Variants in POR observed in about 807,000 individuals in gnomAD.
POR encodes cytochrome p450 oxidoreductase, also known as NADPH--cytochrome P450 reductase.
POR carries 56 observed loss-of-function variants against 84.0 expected under a neutral mutation model. The ratio of observed to expected loss-of-function variants is 0.67; its 90% CI spans 0.54 to 0.83. The LOEUF (loss-of-function observed/expected upper bound fraction) is 0.83, where lower values mean the gene tolerates loss of function less well. Among genes scored for constraint, POR ranks in the 40% least tolerant of loss-of-function variants. The pLI is 0.00. For synonymous variants in POR, 414 were observed against 400.5 expected, an observed-to-expected ratio of 1.03 and a Z score of -0.40; for missense variants, 938 against 944.3, an observed-to-expected ratio of 0.99 and a Z score of 0.09.
At chr7:75,934,529 C>T (rs1458879804) in intron 1 of POR, among the ~76,000 whole-genome samples, 4 of 152,054 alleles carry the variant, frequency 2.6e-5, no homozygotes, top group Non-Finnish European at 4.4e-5. Context: ...CTTGCTAGAG[C>T]GATTTGTAGA....
chr7:75,955,722 C>T (rs1554553675), intron 2 of POR, among the ~76,000 whole-genome samples: 1 of 152,186 alleles, frequency 6.6e-6, no homozygotes, highest in African/African-American at 2.4e-5. Flanking sequence ...GCTTGCACCC[C>T]AGGGCCACCC....
chr7:75,927,102 C>A (rs1396549243), intron 1 of POR, among the ~76,000 whole-genome samples: 3 of 152,194 alleles, frequency 2.0e-5, no homozygotes, highest in African/African-American at 7.2e-5. Context: ...GGGTTTGAAT[C>A]CTGGTTCCAC....
intron 1 of POR, among the ~76,000 whole-genome samples, chr7:75,937,471 CAAAAAAA>C (rs782343328): frequency 2.5e-4 from 5 of 20,122 alleles, no homozygotes; most frequent in South Asian, 2.0e-3. Flanking sequence ...GACCCTGTCT[CAAAAAAA>C]AAAAAAAAAA....
intron 1 of POR, among the ~76,000 whole-genome samples, chr7:75,919,211 C>T (rs1055404146): frequency 6.6e-6 from 1 of 152,102 alleles, no homozygotes; most frequent in Non-Finnish European, 1.5e-5. Context: ...GCCTAATATC[C>T]TCTCTGGGTG....
chr7:75,934,306 C>T (rs538946452), intron 1 of POR, among the ~76,000 whole-genome samples: 17 of 151,850 alleles, frequency 1.1e-4, no homozygotes, highest in Non-Finnish European at 2.1e-4. Context: ...AGCTTCCACC[C>T]GAGGCAACAG....
At chr7:75,982,981 TCA>T (rs1789148498) in intron 8 of POR, among the ~76,000 whole-genome samples, 2 of 152,166 alleles carry the variant, frequency 1.3e-5, no homozygotes, top group South Asian at 4.1e-4. Context: ...GGGGCCAGCC[TCA>T]GTTTCCACAT....
At chr7:75,943,755 T>A (rs1554551823) in intron 1 of POR, 1 of 440,950 alleles carries the variant, frequency 2.3e-6, no homozygotes, top group Non-Finnish European at 4.5e-6. Context: ...ATTGGTAACG[T>A]CTTTAGATTC....
At chr7:75,920,626 G>A (rs1226903492) in intron 1 of POR, among the ~76,000 whole-genome samples, 3 of 152,062 alleles carry the variant, frequency 2.0e-5, no homozygotes, top group Non-Finnish European at 2.9e-5. Context: ...TCACCTCTGC[G>A]GTGGTGATGC....
rs1554557765 is a variant in POR, at chr7:75,981,147, C to T, written c.616C>T (p.Leu206=). Residue 206 remains leucine (L), a synonymous_variant, in exon 6 of 16, where the codon CTG becomes TTG. Transcript: ENST00000461988. Reference sequence around the variant, plus strand: ...GCTCGGCGCCCAGCGCATCTTTGAGCTGGGGTTGGGCGACGACGATGGGAA... The same window carrying T: ...GCTCGGCGCCCAGCGCATCTTTGAGTTGGGGTTGGGCGACGACGATGGGAA... 2.6e-6 allele frequency: 4 copies of T among 1,552,592 alleles called. No individual in the cohort carries two copies. The highest frequency in any genetic ancestry group is 1.9e-5 in the Admixed American group (1 of 51,366).
intron 3 of POR, among the ~76,000 whole-genome samples, chr7:75,979,236 G>A (rs1178234053): frequency 2.6e-5 from 4 of 152,192 alleles, no homozygotes; most frequent in African/African-American, 4.8e-5. Flanking sequence ...GAGCAGCCGC[G>A]TGTGTGAGAT....
intron 1 of POR, among the ~76,000 whole-genome samples, chr7:75,939,354 G>A (rs1471267174): frequency 3.9e-5 from 6 of 152,184 alleles, no homozygotes; most frequent in African/African-American, 9.7e-5. Context: ...CGGAGCCCTC[G>A]TGCGGGTTCC....
intron 1 of POR, among the ~76,000 whole-genome samples, chr7:75,928,169 C>T (rs1424935434): frequency 1.3e-5 from 2 of 152,074 alleles, no homozygotes; most frequent in Non-Finnish European, 2.9e-5. Flanking sequence ...TAGGGTTTCA[C>T]TATGTTGGCC....
In POR at chr7:75,981,060, G is replaced by T. The variant is rs782172563; in HGVS notation, c.529G>T (p.Gly177Trp). 6.3e-7 allele frequency: 1 copy of T among 1,575,120 alleles called. No homozygotes were observed. The highest frequency in any genetic ancestry group is 8.6e-7 in the Non-Finnish European group (1 of 1,160,096). ...TGTGTCCACGCAGGTGTTTGGTCTT[G>T]GGAACAAGACCTACGAGCACTTCAA... is the stretch of plus-strand genomic sequence containing the variant. Residue 177 changes from glycine to tryptophan, a missense_variant, in exon 6 of 16, where the codon GGG becomes TGG. Coordinates refer to ENST00000461988, the MANE Select transcript of POR (RefSeq NM_000941.3).
chr7:75,985,472 TG>T (rs1346129887), intron 12 of POR, 106 bp from the exon 13 acceptor site: 66 of 1,353,956 alleles, frequency 4.9e-5, no homozygotes, highest in Non-Finnish European at 6.4e-5. Context: ...CCAGGTGGGC[TG>T]GAAGAGGCCC....
At chr7:75,958,533 A>C (rs544024567) in intron 2 of POR, among the ~76,000 whole-genome samples, 1 of 152,360 alleles carries the variant, frequency 6.6e-6, no homozygotes, top group South Asian at 2.1e-4. Context: ...CAGGGATTGC[A>C]GAGTTTGCCC....
At chr7:75,935,841 C>T (rs981030241) in intron 1 of POR, among the ~76,000 whole-genome samples, 13 of 151,850 alleles carry the variant, frequency 8.6e-5, no homozygotes, top group Non-Finnish European at 1.6e-4. Flanking sequence ...GACCCAGCCT[C>T]GTGTGACACA....
intron 4 of POR, 52 bp from the exon 5 acceptor site, chr7:75,980,287 C>T (rs72554002): frequency 6.3e-7 from 1 of 1,584,890 alleles, no homozygotes; most frequent in South Asian, 1.1e-5. Flanking sequence ...CGGGTTGAAC[C>T]TTGAACAGGC....
chr7:75,964,456 T>C (rs540790611), intron 2 of POR, among the ~76,000 whole-genome samples: 16 of 152,202 alleles, frequency 1.1e-4, no homozygotes, highest in South Asian at 8.3e-4. Context: ...TACAGGCGCC[T>C]GCCACCACAC....
At chr7:75,925,014 C>T (rs1261578631) in intron 1 of POR, among the ~76,000 whole-genome samples, 2 of 152,014 alleles carry the variant, frequency 1.3e-5, no homozygotes, top group Non-Finnish European at 2.9e-5. Flanking sequence ...CCCAACCAAA[C>T]CAAAAACCAG....
Sources: allele counts gnomAD v4.1 joint callset (sites outside exome capture counted in the v4.1 genomes callset), GRCh38; gene constraint gnomAD v4.1.1; transcripts MANE v1.5; gene names NCBI Gene and HGNC (gene_info 2026-07-23, HGNC 2026-07-21).